NTRK2: variants seen among roughly 807,000 people sequenced by gnomAD.
NTRK2 encodes the protein neurotrophic receptor tyrosine kinase 2, also known as BDNF/NT-3 growth factors receptor.
NTRK2 carries 13 observed loss-of-function variants against 94.5 expected under a neutral mutation model. That is an observed-to-expected ratio of 0.14 (90% CI 0.09 to 0.22). NTRK2 has a LOEUF of 0.22. Ranked by LOEUF, NTRK2 falls within the 10% of genes least tolerant of loss-of-function variation. The pLI is 1.00. For missense variants in NTRK2, 639 were observed against 1,071.2 expected, an observed-to-expected ratio of 0.60 and a Z score of 5.63; for synonymous variants, 372 against 407.4, an observed-to-expected ratio of 0.91 and a Z score of 1.05.
intron 14 of NTRK2, chr9:84,874,746 G>A (rs1310713077): frequency 1.3e-5 from 14 of 1,060,724 alleles, no homozygotes; most frequent in African/African-American, 3.3e-5. Flanking sequence ...AGAGCAGCCC[G>A]AGGAGGAGAT....
rs1299894492 is a variant in NTRK2, at chr9:84,854,930, G to A, written c.1397-6110G>A. On this transcript the variant is annotated intron_variant, in intron 12 of 18. Transcript: ENST00000277120. ...CCACTGCACTCCAGCCTGGCCAACA[G>A]AGCGAGACTCCGTCTCAAAAAAAAA... 3.6e-5 allele frequency among the ~76,000 whole-genome samples: 4 copies of A among 110,238 alleles called. No individual in the cohort carries two copies. The Admixed American group carries it at 4.3e-4, about 12-fold the overall frequency. The allele number at this position is 110,238 out of a possible 152,430, so 72.3% of individuals were successfully genotyped here. A position where few individuals can be genotyped will look rare whatever the true frequency, so the allele number is the denominator to read the frequency against.
At chr9:84,776,245 A>T (rs1439788604) in intron 12 of NTRK2, among the ~76,000 whole-genome samples, 1 of 152,120 alleles carries the variant, frequency 6.6e-6, no homozygotes, top group Non-Finnish European at 1.5e-5. Context: ...CTTTTGAGAC[A>T]GAGTCTCACT....
At chr9:84,945,068 G>A (rs1176073836) in intron 15 of NTRK2, among the ~76,000 whole-genome samples, 1 of 152,148 alleles carries the variant, frequency 6.6e-6, no homozygotes, top group Non-Finnish European at 1.5e-5. Context: ...TCATTTTACT[G>A]GAAGGGGAAC....
At chr9:84,945,493 TATCTCCTCC>T (rs2078569384) in intron 15 of NTRK2, among the ~76,000 whole-genome samples, 1 of 152,218 alleles carries the variant, frequency 6.6e-6, no homozygotes, top group African/African-American at 2.4e-5. Context: ...CCATCTCTTC[TATCTCCTCC>T]ATCTCCTCCA....
At chr9:84,701,814 G>A (rs562107474) in intron 2 of NTRK2, among the ~76,000 whole-genome samples, 21 of 152,296 alleles carry the variant, frequency 1.4e-4, no homozygotes, top group African/African-American at 5.1e-4. Flanking sequence ...CCGTAAGAGT[G>A]GAAACACCTT....
chr9:84,872,776 A>T (rs1250957177), intron 14 of NTRK2: 3 of 1,064,678 alleles, frequency 2.8e-6, no homozygotes, highest in Non-Finnish European at 3.4e-6. Context: ...CTAGGCAATT[A>T]TGTAAATAAG....
At chr9:84,801,717 T>C (rs2133392133) in intron 12 of NTRK2, among the ~76,000 whole-genome samples, 1 of 152,350 alleles carries the variant, frequency 6.6e-6, no homozygotes, top group Non-Finnish European at 1.5e-5. Context: ...ACGTACTATA[T>C]TTTCAGCTCA....
At chr9:84,762,459 A>G (rs2132666690) in intron 12 of NTRK2, among the ~76,000 whole-genome samples, 1 of 152,334 alleles carries the variant, frequency 6.6e-6, no homozygotes, top group Non-Finnish European at 1.5e-5. Flanking sequence ...AAAAGACATA[A>G]TTTCTGTGTT....
intron 2 of NTRK2, among the ~76,000 whole-genome samples, chr9:84,674,270 T>G (rs568905561): frequency 8.1e-4 from 123 of 152,322 alleles, no homozygotes; most frequent in African/African-American, 2.9e-3. Context: ...TCCAGTGGTA[T>G]TCTCTGATTT....
intron 17 of NTRK2, among the ~76,000 whole-genome samples, chr9:84,995,992 A>C (rs2133360943): frequency 6.6e-6 from 1 of 152,342 alleles, no homozygotes; most frequent in African/African-American, 2.4e-5. Context: ...GATCTCTAAA[A>C]GGAAAATATC....
intron 17 of NTRK2, among the ~76,000 whole-genome samples, chr9:84,969,967 G>A (rs374834524): frequency 6.6e-6 from 1 of 152,236 alleles, no homozygotes; most frequent in East Asian, 1.9e-4. Context: ...ATGAGGGTAG[G>A]AGAATTGCAT....
chr9:84,868,742 T>C (rs1334255382), intron 14 of NTRK2, among the ~76,000 whole-genome samples: 1 of 152,172 alleles, frequency 6.6e-6, no homozygotes, highest in Admixed American at 6.5e-5. Flanking sequence ...CCAAAGATCC[T>C]TGGAATGCCC....
intron 12 of NTRK2, among the ~76,000 whole-genome samples, chr9:84,817,105 T>C (rs1417959223): frequency 2.0e-5 from 3 of 152,232 alleles, no homozygotes; most frequent in Non-Finnish European, 4.4e-5. Context: ...ATGAGATGGC[T>C]CAGGTAAAGC....
chr9:84,855,177 T>C (rs890542214), intron 12 of NTRK2, among the ~76,000 whole-genome samples: 3 of 152,070 alleles, frequency 2.0e-5, no homozygotes, highest in Admixed American at 6.6e-5. Flanking sequence ...GTTAAGCAGG[T>C]GAATGCAATA....
chr9:84,695,050 G>A (rs1164770414), intron 2 of NTRK2, among the ~76,000 whole-genome samples: 31 of 73,902 alleles, frequency 4.2e-4, no homozygotes, highest in Middle Eastern at 8.3e-3. Flanking sequence ...GTGAGACTCC[G>A]TCTCAAAAAA....
intron 13 of NTRK2, among the ~76,000 whole-genome samples, chr9:84,863,562 T>A (rs1039054143): frequency 4.6e-5 from 7 of 152,220 alleles, no homozygotes; most frequent in African/African-American, 1.7e-4. Context: ...CAAAGACACA[T>A]CCTGTGATAT....
At chr9:84,903,242 G>C (rs2076984099) in intron 14 of NTRK2, among the ~76,000 whole-genome samples, 1 of 152,224 alleles carries the variant, frequency 6.6e-6, no homozygotes, top group South Asian at 2.1e-4. Flanking sequence ...CTCTCTTGCA[G>C]CTATAGGTGT....
At chr9:84,781,931 G>A (rs1203535607) in intron 12 of NTRK2, among the ~76,000 whole-genome samples, 1 of 151,984 alleles carries the variant, frequency 6.6e-6, no homozygotes, top group African/African-American at 2.4e-5. Flanking sequence ...TCTTCGTAAC[G>A]ATTTTTTAAT....
chr9:84,867,378 T>C lies in NTRK2; in HGVS notation c.1580T>C (p.Ile527Thr). ...ATTGGAATGACCAAGATCCCTGTCA[T>C]TGAAAATCCCCAGTACTTTGGCATC... ...VIIGMTKIPV[I>T]ENPQYFGITN... The change falls in exon 14 of 19, where the codon ATT becomes ACT. Residue 527 changes from isoleucine to threonine, a missense_variant. Physicochemically the swap from Ile to Thr is moderately conservative, Grantham distance 89 (BLOSUM62 -1). This residue lies in a region of NTRK2 where 343 missense variants were observed against 571.5 expected (regional missense o/e 0.60). Coordinates refer to ENST00000277120, the MANE Select transcript of NTRK2 (RefSeq NM_006180.6). The C allele has an allele frequency of 1.9e-6, 3 of 1,614,044 alleles. No individual in the cohort carries two copies. Among genetic ancestry groups the C allele is most frequent in the Non-Finnish European group, 2.5e-6 (3 of 1,179,946 alleles).
Sources: gnomAD v4.1 joint callset for allele counts (sites outside exome capture counted in the v4.1 genomes callset) on GRCh38, gnomAD v4.1.1 for gene constraint, gnomAD v4.1.1 regional missense constraint, MANE v1.5 for transcripts, NCBI Gene and HGNC (gene_info 2026-07-23, HGNC 2026-07-21) for gene names.